Variants in SPNS3 observed in about 807,000 individuals in gnomAD.
SPNS3 encodes SPNS lysolipid transporter 3, sphingosine-1-phosphate (putative), also known as protein spinster homolog 3.
Under a neutral mutation model 54.4 loss-of-function variants are expected in SPNS3, and 51 were observed. The observed-to-expected ratio is 0.94, with a 90% CI of 0.75 to 1.18. The LOEUF (loss-of-function observed/expected upper bound fraction) is 1.18, where lower values mean the gene tolerates loss of function less well. SPNS3 is among the 50% of genes most tolerant of loss of function. The pLI is 0.00. For missense variants in SPNS3, 669 were observed against 677.4 expected (o/e 0.99, Z 0.14); for synonymous variants, 309 against 294.7 (o/e 1.05, Z -0.50).
At chr17:4,463,789 A>T (rs188853205) in intron 8 of SPNS3, among the ~76,000 whole-genome samples, 47 of 151,752 alleles carry the variant, frequency 3.1e-4, no homozygotes, top group African/African-American at 5.1e-4. Flanking sequence ...ATTTAGCATG[A>T]ACATGCTAAA....
intron 9 of SPNS3, among the ~76,000 whole-genome samples, chr17:4,480,965 G>A (rs1280820246): frequency 6.6e-6 from 1 of 152,188 alleles, no homozygotes; most frequent in Admixed American, 6.5e-5. Flanking sequence ...CCTCCATGTT[G>A]CTGCTTCCTC....
In SPNS3 at chr17:4,435,872, C is replaced by T. The variant is rs950807403; in HGVS notation, c.199+1706C>T. Among the ~76,000 whole-genome samples, 19 of 152,180 alleles carry T rather than the reference C, an allele frequency of 1.2e-4. 1 individual carries two copies. The highest frequency in any genetic ancestry group is 1.1e-3 in the Admixed American group (17 of 15,272). On this transcript the variant is annotated intron_variant, in intron 1 of 11. Transcript: ENST00000355530. ...GCTTGAACCCGGGAGGCGGAGGTTG[C>T]GGTGAGCTGAGATCGTGCCACTGCA...
chr17:4,455,315 G>C lies in SPNS3; in HGVS notation c.1113+2110G>C, dbSNP rs1597318663. On this transcript the variant is annotated intron_variant, in intron 8 of 11. Coordinates refer to ENST00000355530, the MANE Select transcript of SPNS3 (RefSeq NM_182538.5). ...TTCCATCTTCTACCCCAACATCCCT[G>C]ACATCTCCCCTCCCCTTGCGATTCT... Among the ~76,000 whole-genome samples, 3 of 152,288 alleles carry C rather than the reference G, an allele frequency of 2.0e-5. No individual in the cohort carries two copies. In the Middle Eastern group the frequency reaches 0.01, roughly 518 times the overall value.
At chr17:4,476,679 A>G (rs1262357492) in intron 8 of SPNS3, among the ~76,000 whole-genome samples, 2 of 152,246 alleles carry the variant, frequency 1.3e-5, no homozygotes, top group South Asian at 2.1e-4. Flanking sequence ...CCTGCCTGCC[A>G]GCGACTTCCT....
intron 8 of SPNS3, among the ~76,000 whole-genome samples, chr17:4,478,091 C>T (rs551013472): frequency 1.3e-3 from 198 of 150,350 alleles, no homozygotes; most frequent in African/African-American, 4.5e-3. Context: ...CCTGCCTCAG[C>T]CTCCTGAGTA....
chr17:4,477,410 C>A (rs1972031184), intron 8 of SPNS3, among the ~76,000 whole-genome samples: 1 of 152,218 alleles, frequency 6.6e-6, no homozygotes, highest in South Asian at 2.1e-4. Flanking sequence ...CTGGGCTACC[C>A]TGGGGACAGC....
At position 4,487,855 on chromosome 17, in the gene SPNS3, C is replaced by T. The variant is rs752762679; in HGVS notation, c.1500C>T (p.Gly500=). The T allele has an allele frequency of 5.0e-6, 8 of 1,614,022 alleles. No homozygotes were observed. The highest frequency in any genetic ancestry group is 6.8e-6 in the Non-Finnish European group (8 of 1,179,942). Residue 500 remains glycine (G), a synonymous_variant, in exon 12 of 12, where the codon GGC becomes GGT. Coordinates refer to ENST00000355530, the MANE Select transcript of SPNS3 (RefSeq NM_182538.5). The stretch of plus-strand genomic sequence containing the variant: ...ACAGCAACGACCTGGAGAGACAAGG[C>T]CTACTTTCGGGCGCTGGCGCCTCTA... ...DVDSNDLERQ[G]LLSGAGASTE...
intron 8 of SPNS3, among the ~76,000 whole-genome samples, chr17:4,471,629 C>A (rs1049074803): frequency 6.6e-6 from 1 of 152,018 alleles, no homozygotes; most frequent in South Asian, 2.1e-4. Flanking sequence ...CCACACCCAG[C>A]TAATTTTTGT....
intron 1 of SPNS3, among the ~76,000 whole-genome samples, chr17:4,437,788 CTTTTT>C (rs35523910): frequency 6.2e-5 from 9 of 144,126 alleles, no homozygotes; most frequent in Non-Finnish European, 7.6e-5. Context: ...ACAAAGATTT[CTTTTT>C]TTTTTTTTTT....
rs1282029710 is a variant in SPNS3 at position 4,486,926 on chromosome 17, T to C, written c.1450+343T>C. Among the ~76,000 whole-genome samples, 3 of 151,770 alleles carry C rather than the reference T, an allele frequency of 2.0e-5. No homozygotes were observed. The highest frequency in any genetic ancestry group is 4.4e-5 in the Non-Finnish European group (3 of 67,890). Reference sequence around the variant, plus strand: ...CGGTGGCTCACACCTGTAATCCCAGTACTTGGGGAGGCCAAGGCGGGCGGA... The same window carrying C: ...CGGTGGCTCACACCTGTAATCCCAGCACTTGGGGAGGCCAAGGCGGGCGGA... On this transcript the variant is annotated intron_variant, in intron 11 of 11. Coordinates refer to ENST00000355530, the MANE Select transcript of SPNS3 (RefSeq NM_182538.5). This position sits in a 1 kb window ranked among gnomAD's most constrained non-coding sequence, Gnocchi z 5.5.
intron 8 of SPNS3, among the ~76,000 whole-genome samples, chr17:4,458,650 C>CT (rs1971412374): frequency 6.5e-4 from 30 of 46,354 alleles, no homozygotes; most frequent in Admixed American, 7.4e-4. Flanking sequence ...TCTTTCTTTC[C>CT]TTCCTTCTTT....
chr17:4,442,541 CAAAAA>C (rs1203878548), intron 2 of SPNS3, among the ~76,000 whole-genome samples: 1 of 143,966 alleles, frequency 6.9e-6, no homozygotes, highest in Non-Finnish European at 1.5e-5. Context: ...AAAAAAAAAA[CAAAAA>C]AAGAGAAGAG....
chr17:4,473,199 G>A (rs902110253), intron 8 of SPNS3, among the ~76,000 whole-genome samples: 1 of 151,980 alleles, frequency 6.6e-6, no homozygotes, highest in South Asian at 2.1e-4. Flanking sequence ...AGTCTGTGAC[G>A]CAACTTTCAA....
Position 4,441,983 on chromosome 17 carries a change from AGT to A in SPNS3, c.265+2293_265+2294del, listed in dbSNP as rs373836833. ...ACAAGTCCTGGGCCACGGAGGGAGA[AGT>A]GTGTGTGTGTGTGTGTGTGTGTGTG... On this transcript the variant is annotated intron_variant, in intron 2 of 11. Coordinates refer to ENST00000355530, the MANE Select transcript of SPNS3 (RefSeq NM_182538.5). 1.6e-3 allele frequency among the ~76,000 whole-genome samples: 216 copies of A among 139,058 alleles called. 4 individuals are homozygous for A. The highest frequency in any genetic ancestry group is 0.013 in the East Asian group (64 of 4,752). 91.2% of individuals were successfully genotyped at this position (139,058 alleles called of 152,430 possible). A position where few individuals can be genotyped will look rare whatever the true frequency, so the allele number is the denominator to read the frequency against.
chr17:4,455,109 T>C (rs1971271335), intron 8 of SPNS3, among the ~76,000 whole-genome samples: 1 of 151,952 alleles, frequency 6.6e-6, no homozygotes, highest in Non-Finnish European at 1.5e-5. Context: ...AGATGGGGTT[T>C]CGCCACATTG....
chr17:4,451,584 T>TG (rs1414701795), intron 7 of SPNS3, among the ~76,000 whole-genome samples: 1 of 152,184 alleles, frequency 6.6e-6, no homozygotes, highest in East Asian at 1.9e-4. Context: ...ATTGAGAGGT[T>TG]GGAAAGATCC....
chr17:4,449,195 A>G (rs1971086187), intron 6 of SPNS3, 40 bp from the exon 7 acceptor site: 1 of 1,600,532 alleles, frequency 6.2e-7, no homozygotes, highest in Non-Finnish European at 8.5e-7. Context: ...CTTCAGCCCC[A>G]GCCCTCTCCC....
chr17:4,480,848 C>T (rs900364134), intron 9 of SPNS3, among the ~76,000 whole-genome samples: 4 of 152,140 alleles, frequency 2.6e-5, no homozygotes, highest in Non-Finnish European at 4.4e-5. Context: ...CAGAGCCTCC[C>T]GCCCCCTTCC....
chr17:4,467,248 A>T lies in SPNS3; in HGVS notation c.1114-11324A>T, dbSNP rs147385489. On this transcript the variant is annotated intron_variant, in intron 8 of 11. Transcript: ENST00000355530. ...TGTCACTGACATTGGAAGCCACCAG[A>T]CTGTCCAGCGCAGAGGTGAGAGGAT... is the stretch of plus-strand genomic sequence containing the variant. 1.9e-3 allele frequency among the ~76,000 whole-genome samples: 288 copies of T among 151,986 alleles called. 1 individual carries two copies. Among genetic ancestry groups the T allele is most frequent in the African/African-American group, 6.7e-3 (276 of 41,452 alleles).
Sources: gnomAD v4.1 joint callset for allele counts (sites outside exome capture counted in the v4.1 genomes callset) on GRCh38, gnomAD v4.1.1 for gene constraint, Gnocchi (gnomAD v3.1) non-coding constraint, MANE v1.5 for transcripts, NCBI Gene and HGNC (gene_info 2026-07-23, HGNC 2026-07-21) for gene names.